Variants in DNAH6 observed in about 807,000 individuals in gnomAD.
The protein encoded by DNAH6 is axonemal beta dynein heavy chain 6.
DNAH6 carries 340 observed loss-of-function variants against 491.4 expected under a neutral mutation model. The observed-to-expected ratio is 0.69, with a 90% CI of 0.63 to 0.76. The LOEUF is 0.76. DNAH6 is among the 30% of genes least tolerant of loss of function. The pLI is 0.00. For missense variants in DNAH6, 4,443 were observed against 4,972.2 expected (o/e 0.89, Z 3.20); for synonymous variants, 1,603 against 1,686.1 (o/e 0.95, Z 1.21).
intron 47 of DNAH6, among the ~76,000 whole-genome samples, chr2:84,698,728 A>G (rs745986961): frequency 6.6e-6 from 1 of 152,244 alleles, no homozygotes; most frequent in Admixed American, 6.5e-5. Flanking sequence ...AAAAAGAGAT[A>G]TGCACCTGTA....
At chr2:84,525,825 G>A (rs1676559549) in intron 3 of DNAH6, 87 bp downstream of exon 3, 7 of 938,362 alleles carry the variant, frequency 7.5e-6, no homozygotes, top group Non-Finnish European at 1.1e-5. Context: ...CATAAGAATA[G>A]AAGCAAAGTC....
Position 84,727,825 on chromosome 2 carries a change from G to T in DNAH6, c.10129G>T (p.Glu3377Ter). The T allele has an allele frequency of 6.4e-7, 1 of 1,552,082 alleles. No individual in the cohort carries two copies. The highest frequency in any genetic ancestry group is 1.2e-5 in the South Asian group (1 of 84,056). Reference sequence around the variant, plus strand: ...CATCTACAGCTTTATGCTTTGTGTTGAGATGATGCGTCAGCAAGGAACCCT... The same window carrying T: ...CATCTACAGCTTTATGCTTTGTGTTTAGATGATGCGTCAGCAAGGAACCCT... ...KLIYSFMLCV[E>*]MMRQQGTLSD... is the part of the protein sequence containing the mutation. Residue 3377 changes from glutamate (E) to a stop codon, truncating the protein, a stop_gained, in exon 61 of 77, where the codon GAG (glutamate) becomes TAG (stop). Transcript: ENST00000389394. LOFTEE classifies it high-confidence loss of function.
At chr2:84,476,640 C>T in the DNAH6 span, among the ~76,000 whole-genome samples, 7 of 152,106 alleles carry the variant, frequency 4.6e-5, no homozygotes, top group East Asian at 1.9e-4. Context: ...CTTTTATTAG[C>T]GCCCACATTG....
Position 84,704,316 on chromosome 2 carries a change from A to G in DNAH6, c.8465+14A>G. The G allele has an allele frequency of 6.6e-7, 1 of 1,525,088 alleles. No individual in the cohort carries two copies. The highest frequency in any genetic ancestry group is 8.9e-7 in the Non-Finnish European group (1 of 1,123,102). The allele number at this position is 1,525,088 out of a possible 1,614,324, so 94.5% of individuals were successfully genotyped here. A position where few individuals can be genotyped will look rare whatever the true frequency, so the allele number is the denominator to read the frequency against. On this transcript the variant is annotated intron_variant, in intron 51 of 76. Coordinates refer to ENST00000389394, the MANE Select transcript of DNAH6 (RefSeq NM_001370.2). ...TTTGAATGCCAAGTGAGTAATTCAG[A>G]GTCATGTATTGCCATGATACCTGGT... is the stretch of plus-strand genomic sequence containing the variant.
At chr2:84,781,788 A>C in intron 65 of DNAH6, 135 bp downstream of exon 65, 2 of 1,111,356 alleles carry the variant, frequency 1.8e-6, no homozygotes, top group Middle Eastern at 2.7e-4. Context: ...TTTGAGGCCT[A>C]GACAGATTTA....
At chr2:84,623,059 T>G (rs1687543702) in intron 26 of DNAH6, among the ~76,000 whole-genome samples, 1 of 152,214 alleles carries the variant, frequency 6.6e-6, no homozygotes, top group Admixed American at 6.6e-5. Context: ...TAGGAGCAAT[T>G]AGACCCTTGT....
intron 64 of DNAH6, among the ~76,000 whole-genome samples, chr2:84,773,262 A>C (rs1412315447): frequency 6.6e-6 from 1 of 151,904 alleles, no homozygotes; most frequent in African/African-American, 2.4e-5. Context: ...TCCAATCTTT[A>C]TGTCCATGTG....
intron 63 of DNAH6, among the ~76,000 whole-genome samples, chr2:84,754,213 C>G (rs1238157338): frequency 1.3e-5 from 2 of 151,628 alleles, no homozygotes; most frequent in Admixed American, 1.3e-4. Flanking sequence ...GAGTTTTGCC[C>G]TTGTCGCCCA....
the DNAH6 span, among the ~76,000 whole-genome samples, chr2:84,474,955 C>T: frequency 4.5e-3 from 690 of 152,294 alleles, 10 homozygotes; most frequent in East Asian, 0.066. Flanking sequence ...CCAAAGCCTC[C>T]TGTTCTTTTC....
chr2:84,586,680 G>A (rs796599009), intron 15 of DNAH6, among the ~76,000 whole-genome samples: 16 of 152,224 alleles, frequency 1.1e-4, no homozygotes, highest in African/African-American at 1.4e-4. Flanking sequence ...ACACTTTAGG[G>A]TTTTATTATT....
intron 18 of DNAH6, 44 bp from the exon 19 acceptor site, chr2:84,604,295 T>G: frequency 6.9e-7 from 1 of 1,455,240 alleles, no homozygotes; most frequent in Non-Finnish European, 9.4e-7. Flanking sequence ...GGTTATATTT[T>G]TAAGATAAAA....
At chr2:84,763,509 T>TA (rs34675223) in intron 64 of DNAH6, among the ~76,000 whole-genome samples, 3 of 151,922 alleles carry the variant, frequency 2.0e-5, no homozygotes, top group Non-Finnish European at 2.9e-5. Context: ...TCCAGGTAGG[T>TA]AAAAAAGTAT....
intron 22 of DNAH6, among the ~76,000 whole-genome samples, 200 bp downstream of exon 22, chr2:84,612,054 TTTATTA>T (rs1686396405): frequency 6.6e-6 from 1 of 152,208 alleles, no homozygotes; most frequent in East Asian, 1.9e-4. Flanking sequence ...TGGACTTTTT[TTTATTA>T]TTATTATCTC....
At chr2:84,628,827 A>G (rs1432581652) in intron 29 of DNAH6, among the ~76,000 whole-genome samples, 1 of 152,220 alleles carries the variant, frequency 6.6e-6, no homozygotes, top group Non-Finnish European at 1.5e-5. Flanking sequence ...GCAAATTTAG[A>G]AACATAAAAA....
At chr2:84,754,751 G>A (rs558673303) in intron 63 of DNAH6, among the ~76,000 whole-genome samples, 28 of 152,204 alleles carry the variant, frequency 1.8e-4, no homozygotes, top group Admixed American at 4.6e-4. Flanking sequence ...TTTCAAGATC[G>A]TTTTGGCTAT....
chr2:84,591,184 A>T (rs1684077599), intron 16 of DNAH6, among the ~76,000 whole-genome samples: 1 of 152,196 alleles, frequency 6.6e-6, no homozygotes, highest in Non-Finnish European at 1.5e-5. Flanking sequence ...TATTCTAGAC[A>T]TCTCATATGT....
rs889855240 is a variant in DNAH6, at chr2:84,553,470, C to CT, written c.1602+446dup. Among the ~76,000 whole-genome samples, 329 of 108,688 alleles carry CT rather than the reference C, an allele frequency of 3.0e-3. 2 individuals carry two copies. The highest frequency in any genetic ancestry group is 0.01 in the African/African-American group (302 of 29,344). The allele number at this position is 108,688 out of a possible 152,430, so 71.3% of individuals were successfully genotyped here. Reference sequence around the variant, plus strand: ...CTCTCTCTCTTTCTTTCTTTTCTTTCTTTTTTTTTTGAAACAGGGATTCAC... The same window carrying CT: ...CTCTCTCTCTTTCTTTCTTTTCTTTCTTTTTTTTTTTGAAACAGGGATTCAC... On this transcript the variant is annotated intron_variant, in intron 10 of 76. Coordinates refer to ENST00000389394, the MANE Select transcript of DNAH6 (RefSeq NM_001370.2).
intron 68 of DNAH6, 128 bp from the exon 69 acceptor site, chr2:84,796,178 T>C: frequency 1.7e-6 from 1 of 598,216 alleles, no homozygotes; most frequent in African/African-American, 1.9e-5. Flanking sequence ...AAGGAAATTC[T>C]GTTGTGTGCT....
At chr2:84,461,459 G>A in the DNAH6 span, among the ~76,000 whole-genome samples, 1 of 152,154 alleles carries the variant, frequency 6.6e-6, no homozygotes, top group Admixed American at 6.5e-5. Context: ...AACCACACTA[G>A]TCAATACCAC....
Sources: allele counts gnomAD v4.1 joint callset (sites outside exome capture counted in the v4.1 genomes callset), GRCh38; gene constraint gnomAD v4.1.1; transcripts MANE v1.5; gene names NCBI Gene and HGNC (gene_info 2026-07-23, HGNC 2026-07-21).